The following PARL variants were observed in gnomAD, a reference collection of about 807,000 sequenced individuals.
PARL encodes presenilin-associated rhomboid-like protein, mitochondrial.
A neutral mutation model predicts 51.6 loss-of-function variants in PARL; 44 were observed. The observed-to-expected ratio is 0.85, with a 90% confidence interval of 0.67 to 1.10. The LOEUF (loss-of-function observed/expected upper bound fraction) is 1.10. PARL is among the 50% of genes least tolerant of loss of function. PARL has a pLI of 0.00. For missense variants in PARL, 441 were observed against 469.5 expected (o/e 0.94, Z 0.56); for synonymous variants, 172 against 164.0 (o/e 1.05, Z -0.37).
intron 3 of PARL, among the ~76,000 whole-genome samples, chr3:183,863,149 C>G (rs902144659): frequency 6.6e-6 from 1 of 152,132 alleles, no homozygotes; most frequent in African/African-American, 2.4e-5. Flanking sequence ...CAGATACAGA[C>G]AGGTACCAAG....
chr3:183,869,797 C>G (rs1402551425), intron 1 of PARL, among the ~76,000 whole-genome samples: 1 of 152,024 alleles, frequency 6.6e-6, no homozygotes, highest in African/African-American at 2.4e-5. Flanking sequence ...TTATTTTAGT[C>G]CTAACCTGAA....
intron 8 of PARL, 60 bp downstream of exon 8, chr3:183,833,664 C>T: frequency 6.9e-7 from 1 of 1,452,300 alleles, no homozygotes; most frequent in Non-Finnish European, 9.7e-7. Flanking sequence ...AGGGCAAGAA[C>T]CCACTCAACA....
In PARL at chr3:183,832,844, G is replaced by A. The variant is rs1211964827; in HGVS notation, c.1028+648C>T. On this transcript the variant is annotated intron_variant, in intron 9 of 9. Transcript: ENST00000317096. ...CAATTCCATATGGTGTGGTGGGGGTGGAAAGGGCTTATAGAGGTGGGTTTA... is the reference window on the plus strand; with the variant it reads ...CAATTCCATATGGTGTGGTGGGGGTAGAAAGGGCTTATAGAGGTGGGTTTA... 2.0e-5 allele frequency among the ~76,000 whole-genome samples: 3 copies of A among 152,104 alleles called. No homozygotes were observed. The East Asian group carries it at 5.8e-4, about 29-fold the overall frequency.
At chr3:183,869,566 T>G (rs1160360134) in intron 1 of PARL, among the ~76,000 whole-genome samples, 1 of 152,080 alleles carries the variant, frequency 6.6e-6, no homozygotes, top group Non-Finnish European at 1.5e-5. Context: ...GATATTATGA[T>G]ATCCCTTCTA....
chr3:183,867,552 T>C (rs1283422388), intron 2 of PARL, among the ~76,000 whole-genome samples: 1 of 151,892 alleles, frequency 6.6e-6, no homozygotes, highest in African/African-American at 2.4e-5. Context: ...TACAAAAAAT[T>C]AGCCAGGCGT....
chr3:183,871,925 T>C (rs1348526261), intron 1 of PARL, among the ~76,000 whole-genome samples: 1 of 152,176 alleles, frequency 6.6e-6, no homozygotes, highest in African/African-American at 2.4e-5. Flanking sequence ...TGGAGGTATC[T>C]TAATAGGCAT....
chr3:183,861,625 T>G (rs1341657715), intron 4 of PARL, among the ~76,000 whole-genome samples: 1 of 152,180 alleles, frequency 6.6e-6, no homozygotes, highest in Non-Finnish European at 1.5e-5. Flanking sequence ...TTTCTCCACT[T>G]AAGTACAGAA....
chr3:183,884,820 T>G lies in PARL; in HGVS notation c.27A>C (p.Arg9Ser). 1 of 1,597,418 alleles carries G rather than the reference T, an allele frequency of 6.3e-7. No individual in the cohort carries two copies. The highest frequency in any genetic ancestry group is 2.2e-5 in the East Asian group (1 of 44,806). ...CCCACGCCTGGCCGCAGCCCCAGCC[T>G]CTCTGCGCCCAGCCTCGCCACGCCA... is the stretch of plus-strand genomic sequence containing the variant. MAWRGWAQ[R>S]GWGCGQAWGA... The change falls in exon 1 of 10, where the codon AGA (arginine) becomes AGC (serine). Residue 9 changes from arginine to serine, a missense_variant. Coordinates refer to ENST00000317096, the MANE Select transcript of PARL (RefSeq NM_018622.7).
intron 9 of PARL, among the ~76,000 whole-genome samples, chr3:183,833,057 C>T (rs1158453834): frequency 3.9e-5 from 6 of 152,218 alleles, no homozygotes; most frequent in African/African-American, 1.4e-4. Context: ...TCCAGTCATA[C>T]AGAGCAATGG....
In PARL at chr3:183,866,764, A is replaced by C. The variant is rs1732531816; in HGVS notation, c.323T>G (p.Phe108Cys). 1 of 1,584,790 alleles carries C rather than the reference A, an allele frequency of 6.3e-7. No individual in the cohort carries two copies. Among genetic ancestry groups the C allele is most frequent in the African/African-American group, 1.3e-5 (1 of 74,428 alleles). The change falls in exon 3 of 10, where the codon TTT becomes TGT. Residue 108 changes from phenylalanine (F) to cysteine (C), a missense_variant and splice_region_variant. Coordinates refer to ENST00000317096, the MANE Select transcript of PARL (RefSeq NM_018622.7). ...LIKPLFFTVGFTGCAFGSAAI... is the reference protein window; with the variant it reads ...LIKPLFFTVGCTGCAFGSAAI... ...AGCTGATCCAAATGCACAGCCTGTA[A>C]ACTATATAAAATTAGATATATTACA...
chr3:183,882,900 T>G (rs1324865483), intron 1 of PARL, among the ~76,000 whole-genome samples: 2 of 152,102 alleles, frequency 1.3e-5, no homozygotes, highest in Non-Finnish European at 2.9e-5. Flanking sequence ...CACGCTAATT[T>G]CAAAGCCATA....
intron 9 of PARL, among the ~76,000 whole-genome samples, chr3:183,831,448 G>GCAAGCCAGCC (rs1727931049): frequency 1.3e-5 from 2 of 152,172 alleles, no homozygotes; most frequent in Non-Finnish European, 2.9e-5. Context: ...TAGCGGCAGC[G>GCAAGCCAGCC]CAAGCCAGCC....
At chr3:183,869,554 G>A (rs1361131623) in intron 1 of PARL, among the ~76,000 whole-genome samples, 1 of 151,806 alleles carries the variant, frequency 6.6e-6, no homozygotes, top group African/African-American at 2.4e-5. Flanking sequence ...TTATTATTAA[G>A]GGATATTATG....
At chr3:183,841,175 G>A (rs370214715) in intron 6 of PARL, among the ~76,000 whole-genome samples, 10 of 152,152 alleles carry the variant, frequency 6.6e-5, no homozygotes, top group South Asian at 2.1e-4. Context: ...GGATGATCCC[G>A]TAAGTCTCTT....
At chr3:183,846,424 C>T (rs1023980737) in intron 4 of PARL, 17 of 578,006 alleles carry the variant, frequency 2.9e-5, no homozygotes, top group African/African-American at 4.1e-5. Flanking sequence ...ACCCAGGAGG[C>T]GGAGGTTGAG....
chr3:183,832,216 ATTTTTCTT>A (rs1728019492), intron 9 of PARL, among the ~76,000 whole-genome samples: 1 of 149,676 alleles, frequency 6.7e-6, no homozygotes, highest in South Asian at 2.1e-4. Context: ...CTTAGAATAG[ATTTTTCTT>A]TTTTTTTTTT....
At chr3:183,877,387 CTG>C (rs1733969668) in intron 1 of PARL, among the ~76,000 whole-genome samples, 1 of 152,202 alleles carries the variant, frequency 6.6e-6, no homozygotes, top group Non-Finnish European at 1.5e-5. Flanking sequence ...ACTGTGGACA[CTG>C]TTGAAATGAC....
chr3:183,847,732 G>A (rs1560392290), intron 4 of PARL, among the ~76,000 whole-genome samples: 1 of 152,028 alleles, frequency 6.6e-6, no homozygotes, highest in Non-Finnish European at 1.5e-5. Context: ...TAGCAGTTTT[G>A]TGGCCTGTGG....
At chr3:183,878,242 G>C (rs972206967) in intron 1 of PARL, among the ~76,000 whole-genome samples, 9 of 152,164 alleles carry the variant, frequency 5.9e-5, no homozygotes, top group Non-Finnish European at 1.3e-4. Flanking sequence ...TACCATGACA[G>C]AGGGAGTGTT....
Sources: allele counts gnomAD v4.1 joint callset (sites outside exome capture counted in the v4.1 genomes callset), GRCh38; gene constraint gnomAD v4.1.1; transcripts MANE v1.5; gene names NCBI Gene and HGNC (gene_info 2026-07-23, HGNC 2026-07-21).